The following B4GALT6 variants were observed in gnomAD, a reference collection of about 807,000 sequenced individuals.
B4GALT6 encodes beta-1,4-galactosyltransferase 6.
B4GALT6 carries 14 observed loss-of-function variants against 46.3 expected under a neutral mutation model. That is an observed-to-expected ratio of 0.30 (90% CI 0.20 to 0.47). B4GALT6 has a LOEUF of 0.47. Among genes scored for constraint, B4GALT6 ranks in the 20% least tolerant of loss-of-function variants. The probability of loss-of-function intolerance (pLI) is 0.99; values close to 1 mark genes in which losing one functional copy is unlikely to be tolerated. For missense variants in B4GALT6, 386 were observed against 480.1 expected, an observed-to-expected ratio of 0.80 and a Z score of 1.83; for synonymous variants, 168 against 162.0, an observed-to-expected ratio of 1.04 and a Z score of -0.28.
At chr18:31,684,817 T>TCTCC, upstream of B4GALT6, 1 of 1,003,916 alleles carries the variant, frequency 1.0e-6, no homozygotes, top group Non-Finnish European at 1.2e-6. Context: ...GCGGCGCCCC[T>TCTCC]GCGGAGAGGG....
At chr18:31,666,832 A>G (rs2074288685) in intron 1 of B4GALT6, among the ~76,000 whole-genome samples, 1 of 152,166 alleles carries the variant, frequency 6.6e-6, no homozygotes, top group Non-Finnish European at 1.5e-5. Context: ...AAGATCTTGC[A>G]ATGGTCCTGA....
At position 31,638,667 on chromosome 18, in the gene B4GALT6, A is replaced by G. The variant is rs1239597550; in HGVS notation, c.565T>C (p.Phe189Leu). The change falls in exon 5 of 9, where the codon TTT becomes CTT. Residue 189 changes from phenylalanine to leucine, a missense_variant. This residue lies in a region of B4GALT6 where 323 missense variants were observed against 438.9 expected (regional missense o/e 0.74). Coordinates refer to ENST00000306851, the MANE Select transcript of B4GALT6 (RefSeq NM_004775.5). ...ACCTGTTCAATGACATAAAACGCAA[A>G]TTCCAGCCGCTGCTTCTGGAGCATT... ...IPMLQKQRLEFAFYVIEQTGT... is the reference protein window; with the variant it reads ...IPMLQKQRLELAFYVIEQTGT... The G allele has an allele frequency of 6.2e-7, 1 of 1,614,058 alleles. No individual in the cohort carries two copies. Among genetic ancestry groups the G allele is most frequent in the South Asian group, 1.1e-5 (1 of 91,080 alleles).
Position 31,626,402 on chromosome 18 carries a change from G to A in B4GALT6, c.900-18C>T, listed in dbSNP as rs776652441. On this transcript the variant is annotated intron_variant, in intron 7 of 8. Coordinates refer to ENST00000306851, the MANE Select transcript of B4GALT6 (RefSeq NM_004775.5). Reference sequence around the variant, plus strand: ...AGTGAACTCTACAATGCCATATATGGAAATGAAAATATAGAGAAATAAAAT... The same window carrying A: ...AGTGAACTCTACAATGCCATATATGAAAATGAAAATATAGAGAAATAAAAT... 3.1e-6 allele frequency: 4 copies of A among 1,311,258 alleles called. No homozygotes were observed. Among genetic ancestry groups the A allele is most frequent in the South Asian group, 2.6e-5 (2 of 75,958 alleles). The allele number at this position is 1,311,258 out of a possible 1,614,324, so 81.2% of individuals were successfully genotyped here. A position where few individuals can be genotyped will look rare whatever the true frequency, so the allele number is the denominator to read the frequency against.
the B4GALT6 span, among the ~76,000 whole-genome samples, chr18:31,721,874 CTCTCTCTG>C: frequency 1.3e-5 from 2 of 152,072 alleles, no homozygotes; most frequent in Non-Finnish European, 2.9e-5. Flanking sequence ...CTCTCTCTCT[CTCTCTCTG>C]TGTGTGTATG....
chr18:31,664,401 C>T (rs1567976955), intron 2 of B4GALT6, among the ~76,000 whole-genome samples: 1 of 152,110 alleles, frequency 6.6e-6, no homozygotes, highest in East Asian at 1.9e-4. Context: ...ACAGTTTTAC[C>T]ATTAGTAAAG....
intron 7 of B4GALT6, among the ~76,000 whole-genome samples, chr18:31,626,662 T>C (rs1222212428): frequency 6.6e-6 from 1 of 152,242 alleles, no homozygotes. Context: ...GTGAGGGATC[T>C]AGGTTGTATG....
intron 6 of B4GALT6, among the ~76,000 whole-genome samples, chr18:31,627,820 T>C (rs748578984): frequency 3.3e-4 from 50 of 152,246 alleles, no homozygotes; most frequent in Non-Finnish European, 6.3e-4. Flanking sequence ...AGCTAAACTG[T>C]GTGTTTAGGT....
Position 31,670,794 on chromosome 18 carries a change from T to C in B4GALT6, c.116-4422A>G, listed in dbSNP as rs572786577. 2.6e-5 allele frequency among the ~76,000 whole-genome samples: 4 copies of C among 152,326 alleles called. No individual in the cohort carries two copies. The East Asian group carries it at 5.8e-4, about 22-fold the overall frequency. On this transcript the variant is annotated intron_variant, in intron 1 of 8. Transcript: ENST00000306851. ...ATTATACTTTAAGTTCTGGGGTACA[T>C]GTGCAGAATGTGCAGGTTACATAGG...
chr18:31,650,887 C>T (rs111840334), intron 3 of B4GALT6, among the ~76,000 whole-genome samples: 18,191 of 152,106 alleles, frequency 0.12, 1,220 homozygotes, highest in Middle Eastern at 0.17. Flanking sequence ...TCCTGCCTCA[C>T]CCCCGAGTAG....
rs2073671362 is a variant in B4GALT6 at position 31,625,087 on chromosome 18, T to A, written c.*527A>T. The A allele has an allele frequency of 6.5e-6, 1 of 152,808 alleles. No individual in the cohort carries two copies. The highest frequency in any genetic ancestry group is 6.5e-5 in the Admixed American group (1 of 15,286). The allele number at this position is 152,808 out of a possible 1,614,324, so 9.5% of individuals were successfully genotyped here. A position where few individuals can be genotyped will look rare whatever the true frequency, so the allele number is the denominator to read the frequency against. On this transcript the variant is annotated 3_prime_UTR_variant, in exon 9 of 9. Transcript: ENST00000306851. ...AACAGTTTACTGTATTAGTTGGCTG[T>A]CAATTATTGACAGTTCCTTCATTTC...
the B4GALT6 span, among the ~76,000 whole-genome samples, chr18:31,700,128 A>G: frequency 7.2e-5 from 11 of 152,130 alleles, no homozygotes; most frequent in African/African-American, 2.7e-4. Flanking sequence ...ATCAATCTCT[A>G]CTCATAAGAG....
At chr18:31,646,478 G>T (rs960724846) in intron 3 of B4GALT6, among the ~76,000 whole-genome samples, 2 of 152,182 alleles carry the variant, frequency 1.3e-5, no homozygotes, top group Admixed American at 6.5e-5. Context: ...GTTAGAACAG[G>T]ATGTAAAAGG....
chr18:31,636,070 T>A (rs1205203252), intron 5 of B4GALT6, among the ~76,000 whole-genome samples: 2 of 152,190 alleles, frequency 1.3e-5, no homozygotes, highest in Non-Finnish European at 2.9e-5. Flanking sequence ...AGCAATTCAA[T>A]GGCGAAAACA....
At chr18:31,682,153 T>C (rs886458812) in intron 1 of B4GALT6, among the ~76,000 whole-genome samples, 3 of 152,152 alleles carry the variant, frequency 2.0e-5, no homozygotes, top group African/African-American at 7.2e-5. Flanking sequence ...TGACCTACAT[T>C]TTCTCGAAAA....
At chr18:31,708,821 G>A in the B4GALT6 span, among the ~76,000 whole-genome samples, 6 of 152,130 alleles carry the variant, frequency 3.9e-5, no homozygotes, top group Non-Finnish European at 8.8e-5. Flanking sequence ...TGATGGCAAT[G>A]GGGGAGAGAG....
intron 5 of B4GALT6, among the ~76,000 whole-genome samples, chr18:31,635,121 C>T (rs1253362168): frequency 6.6e-6 from 1 of 152,056 alleles, no homozygotes; most frequent in Non-Finnish European, 1.5e-5. Context: ...ATCCCAGTTA[C>T]TCGGGAGGCT....
chr18:31,625,847 T>A (rs962477490), intron 8 of B4GALT6, 86 bp from the exon 9 acceptor site: 3 of 1,130,062 alleles, frequency 2.7e-6, no homozygotes, highest in Non-Finnish European at 3.6e-6. Context: ...GGTCATCTTA[T>A]AATTAAAGCA....
intron 4 of B4GALT6, among the ~76,000 whole-genome samples, chr18:31,639,692 AAAAAGT>A (rs542333749): frequency 1.6e-3 from 238 of 152,310 alleles, no homozygotes; most frequent in African/African-American, 5.6e-3. Flanking sequence ...GTTCTCATAT[AAAAAGT>A]AAAAGAAAAA....
At chr18:31,662,025 T>G (rs938066739) in intron 2 of B4GALT6, among the ~76,000 whole-genome samples, 6 of 152,226 alleles carry the variant, frequency 3.9e-5, no homozygotes, top group Non-Finnish European at 8.8e-5. Flanking sequence ...TCTAGACATT[T>G]CTGCAAAACA....
Sources: gnomAD v4.1 joint callset for allele counts (sites outside exome capture counted in the v4.1 genomes callset) on GRCh38, gnomAD v4.1.1 for gene constraint, gnomAD v4.1.1 regional missense constraint, MANE v1.5 for transcripts, NCBI Gene and HGNC (gene_info 2026-07-23, HGNC 2026-07-21) for gene names.